The following PRKCB variants were observed in gnomAD, a reference collection of about 807,000 sequenced individuals.
PRKCB encodes the protein protein kinase C beta type.
In PRKCB, 13 loss-of-function variants were observed where a neutral mutation model predicts 81.5. The ratio of observed to expected loss-of-function variants is 0.16; its 90% CI spans 0.10 to 0.25. The LOEUF (loss-of-function observed/expected upper bound fraction) is 0.25. Among genes scored for constraint, PRKCB ranks in the 10% least tolerant of loss-of-function variants. The probability of loss-of-function intolerance (pLI) is 1.00; values close to 1 mark genes in which losing one functional copy is unlikely to be tolerated. For missense variants in PRKCB, 509 were observed against 875.7 expected (o/e 0.58, Z 5.29); for synonymous variants, 335 against 321.4 (o/e 1.04, Z -0.45).
intron 7 of PRKCB, among the ~76,000 whole-genome samples, chr16:24,106,351 G>A (rs1966578612): frequency 6.6e-6 from 1 of 152,122 alleles, no homozygotes; most frequent in African/African-American, 2.4e-5. Context: ...AGTCATTATT[G>A]TTAATTGAAT....
chr16:24,216,503 T>C lies in PRKCB; in HGVS notation c.*1687T>C, dbSNP rs1387924700. 1 of 985,316 alleles carries C rather than the reference T, an allele frequency of 1.0e-6. No homozygotes were observed. Among genetic ancestry groups the C allele is most frequent in the African/African-American group, 1.7e-5 (1 of 57,242 alleles). The allele number at this position is 985,316 out of a possible 1,614,324, so 61.0% of individuals were successfully genotyped here. ...AGAATTCTTATCACAGTTCAAGTGA[T>C]TTCCAGAAGTTCCAGGGCTTCTGAG... On this transcript the variant is annotated 3_prime_UTR_variant, in exon 17 of 17. Coordinates refer to ENST00000643927, the MANE Select transcript of PRKCB (RefSeq NM_002738.7).
intron 10 of PRKCB, among the ~76,000 whole-genome samples, chr16:24,162,893 C>CA (rs1438298442): frequency 6.6e-6 from 1 of 151,690 alleles, no homozygotes; most frequent in Admixed American, 6.6e-5. Flanking sequence ...GGAAAGAAAC[C>CA]ACCCAAAGAC....
chr16:24,015,239 A>G (rs72779937), intron 3 of PRKCB, among the ~76,000 whole-genome samples: 8,901 of 152,238 alleles, frequency 0.058, 310 homozygotes, highest in South Asian at 0.087. Context: ...CAGCACTGTC[A>G]TTTCTCTCCA....
chr16:23,841,349 A>C (rs1234967240), intron 2 of PRKCB, among the ~76,000 whole-genome samples: 2 of 151,968 alleles, frequency 1.3e-5, no homozygotes, highest in African/African-American at 2.4e-5. Flanking sequence ...CAAAGTGTTC[A>C]GATTACAGGC....
At chr16:24,089,010 G>C (rs1966343480) in intron 5 of PRKCB, among the ~76,000 whole-genome samples, 1 of 152,120 alleles carries the variant, frequency 6.6e-6, no homozygotes, top group African/African-American at 2.4e-5. Context: ...TCTCAATCCT[G>C]TGTGTGTGCA....
At chr16:23,942,008 T>C (rs147762023) in intron 2 of PRKCB, among the ~76,000 whole-genome samples, 1 of 152,224 alleles carries the variant, frequency 6.6e-6, no homozygotes, top group Non-Finnish European at 1.5e-5. Context: ...AAGGAATCCA[T>C]TGAAAAACTA....
At chr16:24,124,423 A>G (rs1397958636) in intron 9 of PRKCB, among the ~76,000 whole-genome samples, 1 of 152,158 alleles carries the variant, frequency 6.6e-6, no homozygotes, top group Non-Finnish European at 1.5e-5. Flanking sequence ...ATAAGCTACA[A>G]TGAGGAGTTT....
rs376588317 is a variant in PRKCB, at chr16:24,115,153, A to G, written c.918+2084A>G. 1.3e-4 allele frequency among the ~76,000 whole-genome samples: 20 copies of G among 152,338 alleles called. 2 individuals are homozygous for G. The highest frequency in any genetic ancestry group is 6.5e-4 in the Admixed American group (10 of 15,304). On this transcript the variant is annotated intron_variant, in intron 8 of 16. Transcript: ENST00000643927. ...CCAAGGAAAGGCTGAGGAAGTAGGC[A>G]TGAGTCACAGTACGTAGGGCTGTGC...
chr16:24,122,127 A>T (rs770183603), intron 8 of PRKCB, among the ~76,000 whole-genome samples: 23 of 152,186 alleles, frequency 1.5e-4, no homozygotes, highest in Non-Finnish European at 3.1e-4. Context: ...GATTGCTGAG[A>T]GCAATTTTAT....
At chr16:24,107,493 GGCGGGGCTACA>G (rs904085910) in intron 7 of PRKCB, among the ~76,000 whole-genome samples, 2 of 152,092 alleles carry the variant, frequency 1.3e-5, no homozygotes, top group Non-Finnish European at 2.9e-5. Context: ...CTGACATTTG[GGCGGGGCTACA>G]GTGGAGACAG....
chr16:24,095,668 A>C lies in PRKCB; in HGVS notation c.821+1371A>C, dbSNP rs142930392. Reference sequence around the variant, plus strand: ...TTGGCAATATTTCATTAGTTTTACAAAGGCAGTTTAGTTTTGGGAAAGGGC... The same window carrying C: ...TTGGCAATATTTCATTAGTTTTACACAGGCAGTTTAGTTTTGGGAAAGGGC... On this transcript the variant is annotated intron_variant, in intron 7 of 16. Transcript: ENST00000643927. Among the ~76,000 whole-genome samples the C allele has an allele frequency of 4.4e-3, 674 of 152,202 alleles. 1 individual carries two copies. Among genetic ancestry groups the C allele is most frequent in the Non-Finnish European group, 6.8e-3 (463 of 68,022 alleles).
intron 2 of PRKCB, among the ~76,000 whole-genome samples, chr16:23,878,782 T>TGG (rs1963058011): frequency 6.6e-6 from 1 of 152,094 alleles, no homozygotes; most frequent in African/African-American, 2.4e-5. Flanking sequence ...AGTTAACAGA[T>TGG]GGGGGAATGG....
chr16:24,119,802 C>T (rs2141924917), intron 8 of PRKCB, among the ~76,000 whole-genome samples: 1 of 152,294 alleles, frequency 6.6e-6, no homozygotes, highest in Middle Eastern at 3.4e-3. Flanking sequence ...AAATCTCTGT[C>T]TCCAGTCCAG....
intron 16 of PRKCB, among the ~76,000 whole-genome samples, chr16:24,199,358 C>T (rs1266576867): frequency 3.3e-5 from 5 of 152,184 alleles, no homozygotes; most frequent in Admixed American, 3.3e-4. Context: ...CATTCTCTTC[C>T]AAACCCAATT....
chr16:24,091,604 T>G (rs1016398661), intron 5 of PRKCB, among the ~76,000 whole-genome samples: 1 of 151,588 alleles, frequency 6.6e-6, no homozygotes, highest in Non-Finnish European at 1.5e-5. Context: ...TGCCTCCTTT[T>G]CTCCTGTAAG....
intron 2 of PRKCB, among the ~76,000 whole-genome samples, chr16:23,980,303 C>T (rs1039109857): frequency 3.3e-5 from 5 of 152,224 alleles, no homozygotes; most frequent in African/African-American, 1.2e-4. Context: ...GGGAACCCCA[C>T]TTCATCTTAG....
At chr16:23,931,473 G>A (rs1040045232) in intron 2 of PRKCB, among the ~76,000 whole-genome samples, 5 of 152,212 alleles carry the variant, frequency 3.3e-5, no homozygotes, top group Admixed American at 3.3e-4. Flanking sequence ...TTTTGGCAAA[G>A]AGAAGCCCAG....
At chr16:24,175,498 A>G (rs1013910530) in intron 12 of PRKCB, among the ~76,000 whole-genome samples, 1 of 151,860 alleles carries the variant, frequency 6.6e-6, no homozygotes, top group South Asian at 2.1e-4. Context: ...ATAAAAACAT[A>G]GTCTGCCAAG....
chr16:23,849,883 A>T (rs562172965), intron 2 of PRKCB, among the ~76,000 whole-genome samples: 25 of 152,296 alleles, frequency 1.6e-4, no homozygotes, highest in African/African-American at 5.3e-4. Flanking sequence ...TGATACACTT[A>T]TTATTGACTA....
Sources: allele counts gnomAD v4.1 joint callset (sites outside exome capture counted in the v4.1 genomes callset), GRCh38; gene constraint gnomAD v4.1.1; transcripts MANE v1.5; gene names NCBI Gene and HGNC (gene_info 2026-07-23, HGNC 2026-07-21).